The following SEPTIN9 variants were observed in gnomAD, a reference collection of about 807,000 sequenced individuals.
The protein encoded by SEPTIN9 is septin 9, also known as septin-9.
In SEPTIN9, 13 loss-of-function variants were observed where a neutral mutation model predicts 56.6. That is an observed-to-expected ratio of 0.23 (90% CI 0.15 to 0.37). The LOEUF (loss-of-function observed/expected upper bound fraction) is 0.37. Among genes scored for constraint, SEPTIN9 ranks in the 10% least tolerant of loss-of-function variants. The pLI, the probability that SEPTIN9 is intolerant of heterozygous loss-of-function variation, is 1.00. For missense variants in SEPTIN9, 650 were observed against 823.1 expected (o/e 0.79, Z 2.57); for synonymous variants, 332 against 334.1 (o/e 0.99, Z 0.07).
At chr17:77,359,330 G>A (rs1341740754) in intron 2 of SEPTIN9, among the ~76,000 whole-genome samples, 1 of 152,230 alleles carries the variant, frequency 6.6e-6, no homozygotes, top group Non-Finnish European at 1.5e-5. Context: ...CAGAGCTGTG[G>A]CAGGCCCTAT....
At chr17:77,462,674 G>C (rs1036950119) in intron 3 of SEPTIN9, among the ~76,000 whole-genome samples, 9 of 152,098 alleles carry the variant, frequency 5.9e-5, no homozygotes, top group African/African-American at 2.2e-4. Context: ...TCTTTTGCTT[G>C]TCTTTTGCCC....
At chr17:77,441,019 C>CT (rs994995176) in intron 3 of SEPTIN9, among the ~76,000 whole-genome samples, 4 of 152,122 alleles carry the variant, frequency 2.6e-5, no homozygotes, top group Non-Finnish European at 4.4e-5. Flanking sequence ...GAGAAGGTGG[C>CT]TTAGGGTCCC....
chr17:77,363,175 G>A (rs566675622), intron 2 of SEPTIN9, among the ~76,000 whole-genome samples: 2 of 152,326 alleles, frequency 1.3e-5, no homozygotes, highest in African/African-American at 4.8e-5. Flanking sequence ...CAACAGCCGG[G>A]AGTCCAGCTT....
rs993291854 is a variant in SEPTIN9, at chr17:77,449,168, C to T, written c.722-32976C>T. 1.3e-5 allele frequency among the ~76,000 whole-genome samples: 2 copies of T among 152,062 alleles called. No individual in the cohort carries two copies. Among genetic ancestry groups the T allele is most frequent in the African/African-American group, 4.8e-5 (2 of 41,390 alleles). The stretch of plus-strand genomic sequence containing the variant: ...TGCCGTTTCTGCTGGAGGGTTGGAC[C>T]GAGGGCCAGCCGAGAAGGCTCTGGG... On this transcript the variant is annotated intron_variant, in intron 3 of 11. Coordinates refer to ENST00000427177, the MANE Select transcript of SEPTIN9 (RefSeq NM_001113491.2). The surrounding 1 kb of genome is among the most constrained non-coding windows in gnomAD (Gnocchi z 4.6).
intron 3 of SEPTIN9, among the ~76,000 whole-genome samples, chr17:77,417,876 GGCACCTCA>G: frequency 6.6e-6 from 1 of 152,316 alleles, no homozygotes; most frequent in East Asian, 1.9e-4. Flanking sequence ...TCGGGGTTGG[GGCACCTCA>G]GCACCTGCTG....
chr17:77,340,454 A>T (rs1401523208), intron 2 of SEPTIN9, among the ~76,000 whole-genome samples: 1 of 152,076 alleles, frequency 6.6e-6, no homozygotes, highest in Non-Finnish European at 1.5e-5. Flanking sequence ...ATGGGTTTTT[A>T]ATATTCAGTA....
chr17:77,363,645 C>T (rs2034487942), intron 2 of SEPTIN9, among the ~76,000 whole-genome samples: 1 of 152,102 alleles, frequency 6.6e-6, no homozygotes. Flanking sequence ...ACCTTGGCCT[C>T]CCAAAGTGCT....
At position 77,402,600 on chromosome 17, in the gene SEPTIN9, G is replaced by A; in HGVS notation, c.618G>A (p.Gln206=). ...CGCCCACCGCCCCCAGCCCAGCCCA[G>A]ACCTTGGAGAATTCAGAGCCTGCCC... ...AEAPTAPSPA[Q]TLENSEPAPV... The change falls in exon 3 of 12, where the codon CAG becomes CAA. Residue 206 remains glutamine, a synonymous_variant. Transcript: ENST00000427177. The surrounding 1 kb of genome is among the most constrained non-coding windows in gnomAD (Gnocchi z 6.6). The A allele has an allele frequency of 1.2e-6, 2 of 1,612,766 alleles. No individual in the cohort carries two copies. The highest frequency in any genetic ancestry group is 1.7e-6 in the Non-Finnish European group (2 of 1,179,572).
At chr17:77,352,732 A>G (rs2034105979) in intron 2 of SEPTIN9, among the ~76,000 whole-genome samples, 1 of 152,084 alleles carries the variant, frequency 6.6e-6, no homozygotes, top group South Asian at 2.1e-4. Context: ...TGGCGTGATC[A>G]TGGCTCACTG....
At chr17:77,290,814 C>CATAA (rs71160222) in intron 1 of SEPTIN9, among the ~76,000 whole-genome samples, 10,201 of 141,382 alleles carry the variant, frequency 0.072, 494 homozygotes, top group African/African-American at 0.13. Flanking sequence ...GACCCTGTCT[C>CATAA]ATAAATAAAT....
intron 2 of SEPTIN9, among the ~76,000 whole-genome samples, chr17:77,399,146 C>T (rs188654509): frequency 1.3e-5 from 2 of 152,202 alleles, no homozygotes; most frequent in African/African-American, 4.8e-5. Flanking sequence ...TGGAATAAAT[C>T]ATTGCATCCG....
chr17:77,488,861 A>G lies in SEPTIN9; in HGVS notation c.1259A>G (p.His420Arg). The change falls in exon 7 of 12, where the codon CAC (histidine) becomes CGC (arginine). Residue 420 changes from histidine to arginine, a missense_variant. By Grantham distance (29) the His-to-Arg change is conservative. Around this residue, in one of 2 missense-constraint regions of SEPTIN9, gnomAD observed 333 missense variants for 494.0 expected, o/e 0.67. Transcript: ENST00000427177. The stretch of plus-strand genomic sequence containing the variant: ...CTCTACTTCATCCCCGCCACCGGCC[A>G]CTCGTACGTCCCTGCAGTGTCGGCG... Reference protein sequence around the residue: ...CCLYFIPATGHSLRPLDIEFM... With the variant: ...CCLYFIPATGRSLRPLDIEFM... 2 of 1,613,400 alleles carry G rather than the reference A, an allele frequency of 1.2e-6. No individual in the cohort carries two copies. The highest frequency in any genetic ancestry group is 1.7e-6 in the Non-Finnish European group (2 of 1,179,796).
chr17:77,313,373 A>G lies in SEPTIN9; in HGVS notation c.76+6176A>G, dbSNP rs2032583335. Among the ~76,000 whole-genome samples the G allele has an allele frequency of 1.3e-5, 2 of 152,254 alleles. No individual in the cohort carries two copies. The highest frequency in any genetic ancestry group is 2.1e-4 in the South Asian group (1 of 4,836). ...TCCACGCTGACCTGGAAGGACTCCT[A>G]AAGCAACAGGCCTGCCCAGGCGGTT... On this transcript the variant is annotated intron_variant, in intron 2 of 11. Transcript: ENST00000427177. The surrounding 1 kb of genome is among the most constrained non-coding windows in gnomAD (Gnocchi z 4.5).
chr17:77,487,557 G>A lies in SEPTIN9; in HGVS notation c.1042+5G>A, dbSNP rs1709400895. On this transcript the variant is annotated splice_donor_5th_base_variant and intron_variant, in intron 5 of 11. Coordinates refer to ENST00000427177, the MANE Select transcript of SEPTIN9 (RefSeq NM_001113491.2). The surrounding 1 kb of genome is among the most constrained non-coding windows in gnomAD (Gnocchi z 4.3). ...AGATCAAGTCCATCACGCACGGTCA[G>A]TGGCCGGGAGTGGGCTGGGGGTGCA... is the stretch of plus-strand genomic sequence containing the variant. The A allele has an allele frequency of 1.2e-6, 2 of 1,612,780 alleles. No homozygotes were observed. Among genetic ancestry groups the A allele is most frequent in the Non-Finnish European group, 1.7e-6 (2 of 1,179,744 alleles).
rs2033250890 is a variant in SEPTIN9 at position 77,329,064 on chromosome 17, C to CGGGCCATGGTGACACCA, written c.76+21868_76+21884dup. Among the ~76,000 whole-genome samples, 1 of 152,168 alleles carries CGGGCCATGGTGACACCA rather than the reference C, an allele frequency of 6.6e-6. No homozygotes were observed. Among genetic ancestry groups the CGGGCCATGGTGACACCA allele is most frequent in the Non-Finnish European group, 1.5e-5 (1 of 68,016 alleles). ...AGTGGCTGGAGTGTGTTTTCAGAGA[C>CGGGCCATGGTGACACCA]GGGCCATGGTGACACCAATGCGACA... On this transcript the variant is annotated intron_variant, in intron 2 of 11. Transcript: ENST00000427177. The surrounding 1 kb of genome is among the most constrained non-coding windows in gnomAD (Gnocchi z 4.3).
intron 1 of SEPTIN9, among the ~76,000 whole-genome samples, chr17:77,305,973 T>C (rs1196323662): frequency 2.7e-4 from 19 of 70,328 alleles, no homozygotes; most frequent in African/African-American, 3.4e-4. Context: ...ATGGGTGGAT[T>C]AGGTGGACAG....
chr17:77,334,051 A>G (rs772887439), intron 2 of SEPTIN9, among the ~76,000 whole-genome samples: 86 of 152,098 alleles, frequency 5.7e-4, no homozygotes, highest in Non-Finnish European at 9.4e-4. Flanking sequence ...GCAGCTGCAC[A>G]GTGGGGTAAG....
intron 2 of SEPTIN9, among the ~76,000 whole-genome samples, chr17:77,352,484 G>A (rs115210559): frequency 0.014 from 2,198 of 152,224 alleles, 54 homozygotes; most frequent in African/African-American, 0.05. Context: ...ATCCCAGACC[G>A]AGGTGTCTGA....
intron 2 of SEPTIN9, among the ~76,000 whole-genome samples, chr17:77,388,810 C>CTTTTTT (rs5822196): frequency 7.7e-5 from 6 of 78,050 alleles, no homozygotes; most frequent in Admixed American, 1.5e-4. Context: ...GTGTTAGGCG[C>CTTTTTT]TTTTTTTTTT....
Sources: gnomAD v4.1 joint callset for allele counts (sites outside exome capture counted in the v4.1 genomes callset) on GRCh38, gnomAD v4.1.1 for gene constraint, gnomAD v4.1.1 regional missense constraint, Gnocchi (gnomAD v3.1) non-coding constraint, MANE v1.5 for transcripts, NCBI Gene and HGNC (gene_info 2026-07-23, HGNC 2026-07-21) for gene names.